Variants in KLHL13 observed in about 807,000 individuals in gnomAD.
The protein encoded by KLHL13 is kelch like family member 13, also known as kelch-like protein 13.
A neutral mutation model predicts 37.1 loss-of-function variants in KLHL13; 10 were observed. That is an observed-to-expected ratio of 0.27 (90% CI 0.17 to 0.46). KLHL13 has a LOEUF of 0.46. Among genes scored for constraint, KLHL13 ranks in the 20% least tolerant of loss-of-function variants. KLHL13 has a pLI of 1.00. For missense variants in KLHL13, 360 were observed against 509.3 expected (o/e 0.71, Z 2.82); for synonymous variants, 163 against 181.2 (o/e 0.90, Z 0.81).
intron 1 of KLHL13, among the ~76,000 whole-genome samples, chrX:118,015,755 A>G (rs1237206897): frequency 3.6e-5 from 4 of 111,854 alleles, no homozygotes; most frequent in African/African-American, 1.3e-4. Flanking sequence ...TGCGTCTACC[A>G]TAAGATCTTA....
At chrX:118,075,601 GCTTGGTGCAAGACCTGCCATTA>G (rs1278425636) in intron 1 of KLHL13, among the ~76,000 whole-genome samples, 4 of 111,337 alleles carry the variant, frequency 3.6e-5, no homozygotes, top group Non-Finnish European at 7.6e-5. Flanking sequence ...TTTCTGGCTT[GCTTGGTGCAAGACCTGCCATTA>G]CTTGGTGCAA....
At chrX:118,038,826 C>T (rs1269614455) in intron 1 of KLHL13, among the ~76,000 whole-genome samples, 3 of 111,521 alleles carry the variant, frequency 2.7e-5, no homozygotes, top group Non-Finnish European at 3.8e-5. Context: ...AGCTGGTGCA[C>T]CCAAGGGAGT....
intron 1 of KLHL13, among the ~76,000 whole-genome samples, chrX:118,112,873 C>T (rs1396252448): frequency 2.7e-5 from 3 of 111,596 alleles, no homozygotes; most frequent in African/African-American, 9.8e-5. Context: ...AAAGGTATGG[C>T]CATTTGAAAA....
At chrX:118,025,485 C>T (rs936912997) in intron 1 of KLHL13, among the ~76,000 whole-genome samples, 4 of 111,429 alleles carry the variant, frequency 3.6e-5, no homozygotes, top group African/African-American at 1.3e-4. Flanking sequence ...GTAGCCAGTT[C>T]AGTTAGTAGA....
intron 1 of KLHL13, among the ~76,000 whole-genome samples, chrX:118,071,926 T>C (rs746674322): frequency 9.1e-6 from 1 of 109,831 alleles, no homozygotes; most frequent in East Asian, 2.8e-4. Context: ...ACAGATTTAA[T>C]GCCATCCCCA....
intron 1 of KLHL13, among the ~76,000 whole-genome samples, chrX:118,020,318 A>G (rs1323511137): frequency 1.2e-4 from 13 of 111,454 alleles, no homozygotes; most frequent in Admixed American, 9.6e-4. Context: ...GTATAAGAAT[A>G]CTTGTGATTT....
chrX:118,060,797 T>G (rs924371896), intron 1 of KLHL13, among the ~76,000 whole-genome samples: 2 of 111,306 alleles, frequency 1.8e-5, no homozygotes, highest in African/African-American at 3.3e-5. Context: ...TTGTATTAGT[T>G]TGCTGGGGTT....
intron 4 of KLHL13, among the ~76,000 whole-genome samples, chrX:117,919,063 G>A (rs1020420085): frequency 1.0e-4 from 11 of 109,481 alleles, no homozygotes; most frequent in Admixed American, 1.9e-4. Flanking sequence ...CACTCTTGTT[G>A]CCCAGGCTGG....
intron 4 of KLHL13, among the ~76,000 whole-genome samples, chrX:117,913,903 A>T (rs999811618): frequency 1.2e-4 from 13 of 110,809 alleles, no homozygotes; most frequent in Non-Finnish European, 2.1e-4. Context: ...CACCTGTGGG[A>T]ACCTATAAAA....
intron 2 of KLHL13, among the ~76,000 whole-genome samples, chrX:117,930,242 GAGGAAGGAAGGAAGGAAGGA>G (rs757311737): frequency 1.6e-5 from 1 of 63,021 alleles, no homozygotes; most frequent in Admixed American, 1.7e-4. Flanking sequence ...GGAAGGAAGG[GAGGAAGGAAGGAAGGAAGGA>G]AGGAAGGAAG....
intron 1 of KLHL13, among the ~76,000 whole-genome samples, chrX:118,033,331 G>A (rs745500019): frequency 6.3e-5 from 7 of 111,255 alleles, no homozygotes; most frequent in East Asian, 5.6e-4. Flanking sequence ...AATGTTAAGG[G>A]CAGCCAGAGA....
chrX:117,922,620 G>A lies in KLHL13; in HGVS notation c.241-2250C>T, dbSNP rs767827755. ...AAAATGAGTTGTGCTTAAAGTGTTC[G>A]TTTGTGTTCGTTTGTGGTAGTTTGT... On this transcript the variant is annotated intron_variant, in intron 2 of 6. Coordinates refer to ENST00000262820, the Ensembl canonical transcript of KLHL13. 2.0e-3 allele frequency among the ~76,000 whole-genome samples: 223 copies of A among 111,506 alleles called. 1 individual carries two copies. The highest frequency in any genetic ancestry group is 3.4e-3 in the Non-Finnish European group (179 of 53,123).
At position 117,965,638 on chromosome X, in the gene KLHL13, C is replaced by A. The variant is rs762671311; in HGVS notation, c.98+7093G>T. 1.5e-3 allele frequency among the ~76,000 whole-genome samples: 166 copies of A among 111,199 alleles called. 2 individuals are homozygous for A. Among genetic ancestry groups the A allele is most frequent in the African/African-American group, 5.3e-3 (161 of 30,575 alleles). ...TTAGACCAATATCCCTGATGAACGTCAATGCAAAAATCCTCAATAAAATAC... is the reference window on the plus strand; with the variant it reads ...TTAGACCAATATCCCTGATGAACGTAAATGCAAAAATCCTCAATAAAATAC... On this transcript the variant is annotated intron_variant, in intron 1 of 6. Coordinates refer to ENST00000262820, the Ensembl canonical transcript of KLHL13.
chrX:118,115,344 G>C (rs2055456421), intron 1 of KLHL13, among the ~76,000 whole-genome samples: 1 of 112,636 alleles, frequency 8.9e-6, no homozygotes, highest in South Asian at 3.7e-4. Flanking sequence ...ATGAACCTCA[G>C]TATGGGAGCT....
chrX:118,032,442 C>G (rs1350117121), intron 1 of KLHL13, among the ~76,000 whole-genome samples: 1 of 111,904 alleles, frequency 8.9e-6, no homozygotes, highest in East Asian at 2.8e-4. Context: ...CCCTGACCCC[C>G]AAGCAGCCTA....
intron 2 of KLHL13, among the ~76,000 whole-genome samples, chrX:117,926,204 G>A (rs1001098650): frequency 3.6e-5 from 4 of 111,767 alleles, no homozygotes; most frequent in African/African-American, 6.5e-5. Flanking sequence ...AGGGATCTGT[G>A]AAAGATAAGA....
At chrX:118,083,958 T>C (rs191377955) in intron 1 of KLHL13, among the ~76,000 whole-genome samples, 2 of 110,946 alleles carry the variant, frequency 1.8e-5, no homozygotes, top group Admixed American at 1.9e-4. Context: ...TCAAAGAAAG[T>C]ACAAATGGAG....
At chrX:117,964,708 G>C (rs1371849506) in intron 1 of KLHL13, among the ~76,000 whole-genome samples, 1 of 110,949 alleles carries the variant, frequency 9.0e-6, no homozygotes, top group Non-Finnish European at 1.9e-5. Flanking sequence ...TTTAACATTA[G>C]GCATATCTCC....
At chrX:117,972,012 C>A (rs1170433103) in intron 1 of KLHL13, among the ~76,000 whole-genome samples, 1 of 111,577 alleles carries the variant, frequency 9.0e-6, no homozygotes, top group Non-Finnish European at 1.9e-5. Flanking sequence ...AGCAACACTG[C>A]AAATTTAAAA....
Sources: gnomAD v4.1 joint callset for allele counts (sites outside exome capture counted in the v4.1 genomes callset) on GRCh38, gnomAD v4.1.1 for gene constraint, MANE v1.5 for transcripts, NCBI Gene and HGNC (gene_info 2026-07-23, HGNC 2026-07-21) for gene names.